PLEKHG4B: variants seen among roughly 807,000 people sequenced by gnomAD.
PLEKHG4B encodes the protein pleckstrin homology and RhoGEF domain containing G4B.
A neutral mutation model predicts 121.3 loss-of-function variants in PLEKHG4B; 111 were observed. The observed-to-expected ratio is 0.92, with a 90% CI of 0.78 to 1.07. PLEKHG4B has a LOEUF of 1.07. PLEKHG4B is among the 50% of genes least tolerant of loss of function. PLEKHG4B has a pLI of 0.00. For synonymous variants in PLEKHG4B, 738 were observed against 725.0 expected (o/e 1.02, Z -0.29); for missense variants, 1,831 against 1,757.8 (o/e 1.04, Z -0.74).
intron 1 of PLEKHG4B, among the ~76,000 whole-genome samples, chr5:99,403 T>C (rs1733736298): frequency 6.6e-6 from 1 of 151,810 alleles, no homozygotes; most frequent in Non-Finnish European, 1.5e-5. Context: ...ACTTGTGTTT[T>C]CTTTAATTTC....
intron 2 of PLEKHG4B, among the ~76,000 whole-genome samples, chr5:136,336 A>G (rs550051728): frequency 6.6e-6 from 1 of 152,358 alleles, no homozygotes; most frequent in South Asian, 2.1e-4. Context: ...ATGTTTTAAA[A>G]GGGTACTATT....
intron 11 of PLEKHG4B, among the ~76,000 whole-genome samples, chr5:158,582 CCTT>C (rs1410386879): frequency 3.0e-5 from 4 of 133,646 alleles, no homozygotes; most frequent in East Asian, 5.3e-4. Flanking sequence ...CTGGGAGTCT[CCTT>C]CATCTTCCCC....
In PLEKHG4B at chr5:133,957, A is replaced by AAT. The variant is rs1207570324; in HGVS notation, c.244-5515_244-5514dup. ...ACACACACACATATATATATGGTGG[A>AAT]ATATATATATATGAGATGGACTATA... On this transcript the variant is annotated intron_variant, in intron 2 of 19. Coordinates refer to ENST00000637938, the MANE Select transcript of PLEKHG4B (RefSeq NM_052909.5). Among the ~76,000 whole-genome samples the AAT allele has an allele frequency of 1.0e-4, 14 of 136,750 alleles. No homozygotes were observed. In the South Asian group the frequency reaches 1.3e-3, roughly 13 times the overall value. 89.7% of individuals were successfully genotyped at this position (136,750 alleles called of 152,430 possible).
intron 1 of PLEKHG4B, among the ~76,000 whole-genome samples, chr5:94,390 CAG>C (rs200659732): frequency 0.015 from 2,215 of 152,308 alleles, 61 homozygotes; most frequent in African/African-American, 0.05. Flanking sequence ...CTGTTGAAGA[CAG>C]AGCCTCAGAC....
chr5:109,847 G>A (rs574915244), intron 1 of PLEKHG4B, among the ~76,000 whole-genome samples: 134 of 152,304 alleles, frequency 8.8e-4, no homozygotes, highest in African/African-American at 3.1e-3. Flanking sequence ...GGCGGGCACC[G>A]GAACTGTACC....
Position 144,893 on chromosome 5 carries a change from C to T in PLEKHG4B, c.1878C>T (p.Ala626=), listed in dbSNP as rs373035855. ...CACGCAGGAGTCCAGCTGCCCCTGCCGTCTCCCAGGCCCTCTCAGGATTGC... is the reference window on the plus strand; with the variant it reads ...CACGCAGGAGTCCAGCTGCCCCTGCTGTCTCCCAGGCCCTCTCAGGATTGC... The part of the protein sequence containing the change: ...VDARRSPAAP[A]VSQALSGLQN... The change falls in exon 6 of 20, where the codon GCC becomes GCT. Residue 626 remains alanine (A), a synonymous_variant. Coordinates refer to ENST00000637938, the MANE Select transcript of PLEKHG4B (RefSeq NM_052909.5). The T allele has an allele frequency of 1.1e-3, 1,818 of 1,613,274 alleles. 29 individuals carry two copies. In the South Asian group the frequency reaches 0.018, roughly 16 times the overall value.
chr5:112,857 A>C (rs1005880084), intron 1 of PLEKHG4B, among the ~76,000 whole-genome samples: 47 of 152,138 alleles, frequency 3.1e-4, no homozygotes, highest in African/African-American at 1.1e-3. Context: ...CTCCCGCAGG[A>C]CTCACAGCCC....
chr5:146,212 C>T (rs1201738769), intron 6 of PLEKHG4B, among the ~76,000 whole-genome samples: 1 of 139,664 alleles, frequency 7.2e-6, no homozygotes, highest in Admixed American at 7.2e-5. Context: ...TTTTTCTCCC[C>T]CTCCACTGTC....
In PLEKHG4B at chr5:148,352, A is replaced by T. The variant is rs915308577; in HGVS notation, c.1906-3161A>T. On this transcript the variant is annotated intron_variant, in intron 6 of 19. Coordinates refer to ENST00000637938, the MANE Select transcript of PLEKHG4B (RefSeq NM_052909.5). ...AAACCCTAACAGTTCCACAAAAAAA[A>T]AAAAATAAATAAAAATAAGTTAATT... is the stretch of plus-strand genomic sequence containing the variant. 8.2e-3 allele frequency among the ~76,000 whole-genome samples: 1,246 copies of T among 151,286 alleles called. 30 individuals carry two copies. Among genetic ancestry groups the T allele is most frequent in the African/African-American group, 0.029 (1,177 of 41,080 alleles).
chr5:143,456 C>A lies in PLEKHG4B; in HGVS notation c.1764C>A (p.Ser588=). ...TGCTCTGGACCAGGGAACACTCGTCCTGTGCTGAGCTGACCCGCCTGCTGC... is the reference window on the plus strand; with the variant it reads ...TGCTCTGGACCAGGGAACACTCGTCATGTGCTGAGCTGACCCGCCTGCTGC... ...RSLLWTREHS[S]CAELTRLLLY... is the part of the protein sequence containing the mutation. Residue 588 remains serine (S), a synonymous_variant, in exon 5 of 20, where the codon TCC becomes TCA. Coordinates refer to ENST00000637938, the MANE Select transcript of PLEKHG4B (RefSeq NM_052909.5). 6.2e-7 allele frequency: 1 copy of A among 1,612,906 alleles called. No individual in the cohort carries two copies. The highest frequency in any genetic ancestry group is 1.1e-5 in the South Asian group (1 of 91,078).
intron 7 of PLEKHG4B, among the ~76,000 whole-genome samples, chr5:153,308 A>T (rs1198720724): frequency 6.6e-6 from 1 of 152,212 alleles, no homozygotes; most frequent in African/African-American, 2.4e-5. Context: ...TTCCCTGGAG[A>T]ATAGGTCCCA....
At position 140,121 on chromosome 5, in the gene PLEKHG4B, A is replaced by C; in HGVS notation, c.882A>C (p.Ser294=). The change falls in exon 3 of 20, where the codon TCA becomes TCC. Residue 294 remains serine, a synonymous_variant. Transcript: ENST00000637938. ...GGGACTTCGAAAAGGTCAGCCCCTCAGAGCAGGGCCCACGGATGCCCCCTG... is the reference window on the plus strand; with the variant it reads ...GGGACTTCGAAAAGGTCAGCCCCTCCGAGCAGGGCCCACGGATGCCCCCTG... ...SDRDFEKVSP[S]EQGPRMPPEN... 1.8e-6 allele frequency: 1 copy of C among 562,656 alleles called. No individual in the cohort carries two copies. The allele number at this position is 562,656 out of a possible 1,614,324, so 34.9% of individuals were successfully genotyped here. A position where few individuals can be genotyped will look rare whatever the true frequency, so the allele number is the denominator to read the frequency against.
At chr5:143,328 C>T (rs917069369) in intron 4 of PLEKHG4B, 52 bp from the exon 5 acceptor site, 3 of 1,607,502 alleles carry the variant, frequency 1.9e-6, no homozygotes, top group African/African-American at 1.3e-5. Context: ...ACCCAGCTCA[C>T]CACCTTGTAG....
intron 18 of PLEKHG4B, among the ~76,000 whole-genome samples, chr5:179,131 T>C (rs956900861): frequency 6.6e-6 from 1 of 152,244 alleles, no homozygotes; most frequent in Non-Finnish European, 1.5e-5. Context: ...CGACACATAC[T>C]TCTCCATCTT....
rs752112236 is a variant in PLEKHG4B, at chr5:143,404, C to G, written c.1712C>G (p.Ala571Gly). The G allele has an allele frequency of 1.7e-5, 28 of 1,612,694 alleles. No individual in the cohort carries two copies. The highest frequency in any genetic ancestry group is 2.4e-5 in the Non-Finnish European group (28 of 1,179,978). The change falls in exon 5 of 20, where the codon GCA becomes GGA. Residue 571 changes from alanine to glycine, a missense_variant. Ala to Gly is a moderately conservative substitution (Grantham distance 60). Transcript: ENST00000637938. ...LPGTRDRHGR[A>G]VVQVRTRSLL... ...GGGACCCGAGACCGTCATGGCAGAGCAGTGGTGCAGGTCCGCACCAGGAGC... is the reference window on the plus strand; with the variant it reads ...GGGACCCGAGACCGTCATGGCAGAGGAGTGGTGCAGGTCCGCACCAGGAGC...
intron 13 of PLEKHG4B, among the ~76,000 whole-genome samples, chr5:165,514 ACACTAATGCTCTGACGGGGCGGG>A (rs1736290408): frequency 1.8e-5 from 1 of 54,526 alleles, no homozygotes; most frequent in Non-Finnish European, 3.8e-5. Context: ...GGCGGGGCTC[ACACTAATGCTCTGACGGGGCGGG>A]GCTCACACTA....
chr5:155,282 C>A, intron 8 of PLEKHG4B, 63 bp from the exon 9 acceptor site: 1 of 1,404,928 alleles, frequency 7.1e-7, no homozygotes, highest in Non-Finnish European at 1.0e-6. Flanking sequence ...GAACTCACAG[C>A]TGCTTACTTT....
intron 11 of PLEKHG4B, among the ~76,000 whole-genome samples, chr5:160,305 T>G (rs895854500): frequency 6.6e-6 from 1 of 152,360 alleles, no homozygotes; most frequent in South Asian, 2.1e-4. Flanking sequence ...TGAACATCTC[T>G]GTGTCTCTGC....
chr5:174,088 AAAG>A lies in PLEKHG4B; in HGVS notation c.4394_4396del (p.Lys1465del). ...GGAGGATCCTGTGGCGGCAGGCACTAAAGAGCAGAGGTGGGAAGATGGGGGCCG... is the reference window on the plus strand; with the variant it reads ...GGAGGATCCTGTGGCGGCAGGCACTAAGCAGAGGTGGGAAGATGGGGGCCG... On this transcript the variant is annotated inframe_deletion, in exon 18 of 20. Transcript: ENST00000637938. 1 of 1,578,414 alleles carries A rather than the reference AAAG, an allele frequency of 6.3e-7. No individual in the cohort carries two copies.
Sources: allele counts gnomAD v4.1 joint callset (sites outside exome capture counted in the v4.1 genomes callset), GRCh38; gene constraint gnomAD v4.1.1; transcripts MANE v1.5; gene names NCBI Gene and HGNC (gene_info 2026-07-23, HGNC 2026-07-21).